LYPLAL1: variants seen among roughly 807,000 people sequenced by gnomAD.
LYPLAL1 encodes the protein lysophospholipase like 1.
LYPLAL1 carries 23 observed loss-of-function variants against 19.7 expected under a neutral mutation model. The ratio of observed to expected loss-of-function variants is 1.17; its 90% confidence interval spans 0.84 to 1.65. LYPLAL1 has a LOEUF of 1.65. LYPLAL1 is among the 40% of genes most tolerant of loss of function. The pLI, the probability that LYPLAL1 is intolerant of heterozygous loss-of-function variation, is 0.00. For synonymous variants in LYPLAL1, 119 were observed against 96.3 expected, an observed-to-expected ratio of 1.24 and a Z score of -1.38; for missense variants, 355 against 279.4, an observed-to-expected ratio of 1.27 and a Z score of -1.93.
At chr1:219,250,399 A>G in the LYPLAL1 span, among the ~76,000 whole-genome samples, 1 of 151,942 alleles carries the variant, frequency 6.6e-6, no homozygotes, top group Non-Finnish European at 1.5e-5. Context: ...ATTAATTAGT[A>G]TCATTTTATA....
the LYPLAL1 span, among the ~76,000 whole-genome samples, chr1:219,236,485 CAGGCATTA>C: frequency 1.3e-5 from 2 of 152,184 alleles, no homozygotes; most frequent in African/African-American, 4.8e-5. Context: ...TTTTTACTTT[CAGGCATTA>C]AGTCATTCAA....
intron 3 of LYPLAL1, among the ~76,000 whole-genome samples, chr1:219,195,351 A>G (rs1657520113): frequency 6.6e-6 from 1 of 152,092 alleles, no homozygotes; most frequent in East Asian, 1.9e-4. Context: ...AGAAACCAGT[A>G]TAATATAATG....
At chr1:219,344,126 G>T in the LYPLAL1 span, among the ~76,000 whole-genome samples, 6 of 152,104 alleles carry the variant, frequency 3.9e-5, no homozygotes, top group African/African-American at 7.2e-5. Context: ...GTCCTTCTTT[G>T]AGTTATGGAA....
At chr1:219,304,103 T>C in the LYPLAL1 span, among the ~76,000 whole-genome samples, 1 of 152,146 alleles carries the variant, frequency 6.6e-6, no homozygotes. Flanking sequence ...AATTACCTTC[T>C]CTCTCTCTGA....
At chr1:219,335,193 A>G in the LYPLAL1 span, among the ~76,000 whole-genome samples, 36 of 151,962 alleles carry the variant, frequency 2.4e-4, no homozygotes, top group African/African-American at 6.0e-4. Flanking sequence ...TCTATTTTCA[A>G]TTACCACCTG....
At chr1:219,270,421 A>G in the LYPLAL1 span, among the ~76,000 whole-genome samples, 1 of 152,216 alleles carries the variant, frequency 6.6e-6, no homozygotes, top group Admixed American at 6.5e-5. Context: ...TAGGGCATGA[A>G]AAATTGGTTG....
the LYPLAL1 span, chr1:219,409,688 T>C: frequency 6.6e-6 from 1 of 152,364 alleles, no homozygotes; most frequent in East Asian, 1.9e-4. Flanking sequence ...CTTGAGTTCC[T>C]CAGCAGTGTG....
At chr1:219,232,864 T>A in the LYPLAL1 span, among the ~76,000 whole-genome samples, 41 of 144,536 alleles carry the variant, frequency 2.8e-4, no homozygotes, top group Non-Finnish European at 3.5e-4. Context: ...GGCTACTATT[T>A]AAAAAAAAAA....
At chr1:219,388,689 A>G in the LYPLAL1 span, among the ~76,000 whole-genome samples, 1 of 152,178 alleles carries the variant, frequency 6.6e-6, no homozygotes, top group Non-Finnish European at 1.5e-5. Flanking sequence ...TCTGGAACAT[A>G]AGATCATAAA....
chr1:219,276,402 C>T, the LYPLAL1 span, among the ~76,000 whole-genome samples: 1 of 151,914 alleles, frequency 6.6e-6, no homozygotes, highest in Non-Finnish European at 1.5e-5. Context: ...TCAATTTTTA[C>T]ATTTACAGTG....
chr1:219,242,189 G>A, the LYPLAL1 span, among the ~76,000 whole-genome samples: 3 of 152,186 alleles, frequency 2.0e-5, no homozygotes, highest in East Asian at 1.9e-4. Context: ...TGGGGTTATT[G>A]ACCAGTACTA....
chr1:219,404,980 A>T, the LYPLAL1 span, among the ~76,000 whole-genome samples: 1 of 152,256 alleles, frequency 6.6e-6, no homozygotes, highest in Non-Finnish European at 1.5e-5. Flanking sequence ...TTTGAACATC[A>T]AACTGGAAAA....
At chr1:219,380,309 G>A in the LYPLAL1 span, among the ~76,000 whole-genome samples, 1 of 152,206 alleles carries the variant, frequency 6.6e-6, no homozygotes, top group East Asian at 1.9e-4. Context: ...GTGGGACGCT[G>A]TAAAAGGAGA....
the LYPLAL1 span, among the ~76,000 whole-genome samples, chr1:219,421,264 A>G: frequency 6.6e-6 from 1 of 152,192 alleles, no homozygotes; most frequent in Non-Finnish European, 1.5e-5. Context: ...AGTGACATAA[A>G]TACAAAATGA....
the LYPLAL1 span, among the ~76,000 whole-genome samples, chr1:219,314,657 C>T: frequency 8.5e-3 from 1,294 of 152,286 alleles, 58 homozygotes; most frequent in East Asian, 0.11. Flanking sequence ...TGGTCTCGAT[C>T]TCCTGACTTC....
chr1:219,283,299 T>A, the LYPLAL1 span, among the ~76,000 whole-genome samples: 1 of 152,220 alleles, frequency 6.6e-6, no homozygotes, highest in Non-Finnish European at 1.5e-5. Flanking sequence ...AATCCGGGTG[T>A]AACTTTATTG....
At chr1:219,279,173 G>T in the LYPLAL1 span, among the ~76,000 whole-genome samples, 1 of 152,272 alleles carries the variant, frequency 6.6e-6, no homozygotes, top group Non-Finnish European at 1.5e-5. Flanking sequence ...ACACTTGTTG[G>T]GTTAATGTTC....
At chr1:219,297,519 T>C in the LYPLAL1 span, among the ~76,000 whole-genome samples, 1 of 152,228 alleles carries the variant, frequency 6.6e-6, no homozygotes, top group Non-Finnish European at 1.5e-5. Context: ...AAAGTGGTTC[T>C]GAAAAGTTAT....
intron 3 of LYPLAL1, among the ~76,000 whole-genome samples, chr1:219,195,634 G>T (rs962948097): frequency 4.6e-5 from 7 of 152,044 alleles, no homozygotes; most frequent in Admixed American, 3.3e-4. Flanking sequence ...TGGATTTTCT[G>T]CAGTATATTA....
Sources: allele counts gnomAD v4.1 joint callset (sites outside exome capture counted in the v4.1 genomes callset), GRCh38; gene constraint gnomAD v4.1.1; transcripts MANE v1.5; gene names NCBI Gene and HGNC (gene_info 2026-07-23, HGNC 2026-07-21).